Variants in ATRNL1 observed in about 807,000 individuals in gnomAD.
The protein encoded by ATRNL1 is attractin like 1, also known as attractin-like protein 1.
ATRNL1 carries 95 observed loss-of-function variants against 182.7 expected under a neutral mutation model. That is an observed-to-expected ratio of 0.52 (90% CI 0.44 to 0.62). The LOEUF (loss-of-function observed/expected upper bound fraction) is 0.62. Ranked by LOEUF, ATRNL1 falls within the 20% of genes least tolerant of loss-of-function variation. The pLI is 0.00. For synonymous variants in ATRNL1, 576 were observed against 568.3 expected, an observed-to-expected ratio of 1.01 and a Z score of -0.19; for missense variants, 1,471 against 1,679.5, an observed-to-expected ratio of 0.88 and a Z score of 2.17.
At chr10:115,533,099 C>G (rs1482864311) in intron 25 of ATRNL1, among the ~76,000 whole-genome samples, 1 of 152,204 alleles carries the variant, frequency 6.6e-6, no homozygotes, top group East Asian at 1.9e-4. Flanking sequence ...GCTTTGGTAT[C>G]AGGATGATGC....
chr10:115,332,434 C>T (rs1855271483), intron 18 of ATRNL1, among the ~76,000 whole-genome samples: 1 of 152,160 alleles, frequency 6.6e-6, no homozygotes. Flanking sequence ...TTGCTGTTTG[C>T]TCTGCTTCCT....
chr10:115,677,734 A>T (rs1214280256), intron 26 of ATRNL1, among the ~76,000 whole-genome samples: 2 of 152,040 alleles, frequency 1.3e-5, no homozygotes, highest in Admixed American at 1.3e-4. Flanking sequence ...GCAACGTGAA[A>T]ACAGACTAAT....
chr10:115,367,611 C>A (rs1356996567), intron 19 of ATRNL1, among the ~76,000 whole-genome samples: 6 of 151,410 alleles, frequency 4.0e-5, no homozygotes, highest in Non-Finnish European at 8.8e-5. Context: ...TTTAGAGTTT[C>A]CAGTTTTTCT....
At chr10:115,810,547 G>A (rs1353238176) in intron 27 of ATRNL1, among the ~76,000 whole-genome samples, 1 of 151,748 alleles carries the variant, frequency 6.6e-6, no homozygotes, top group African/African-American at 2.4e-5. Flanking sequence ...TAATAAAGTG[G>A]CAATTATAGT....
At chr10:115,675,759 C>A (rs1421285152) in intron 26 of ATRNL1, among the ~76,000 whole-genome samples, 1 of 152,114 alleles carries the variant, frequency 6.6e-6, no homozygotes, top group Non-Finnish European at 1.5e-5. Context: ...ATGAGTGCTA[C>A]TGTGTGCCAG....
At chr10:115,340,545 A>T (rs1855706071) in intron 19 of ATRNL1, among the ~76,000 whole-genome samples, 1 of 145,456 alleles carries the variant, frequency 6.9e-6, no homozygotes, top group African/African-American at 2.6e-5. Context: ...GCCTTGTAGA[A>T]TGAGTTTGGA....
At chr10:115,646,960 C>A in intron 26 of ATRNL1, among the ~76,000 whole-genome samples, 1 of 128,444 alleles carries the variant, frequency 7.8e-6, no homozygotes, top group Non-Finnish European at 1.6e-5. Flanking sequence ...CCTCCCCCCA[C>A]CCCACAACAG....
intron 24 of ATRNL1, among the ~76,000 whole-genome samples, chr10:115,508,280 T>C (rs1365521726): frequency 2.6e-5 from 4 of 152,104 alleles, no homozygotes; most frequent in African/African-American, 9.6e-5. Context: ...TGACTGGAAG[T>C]TCTGTCTCCA....
intron 19 of ATRNL1, among the ~76,000 whole-genome samples, chr10:115,351,258 T>A (rs568644348): frequency 4.1e-4 from 63 of 152,308 alleles, no homozygotes; most frequent in Non-Finnish European, 8.2e-4. Flanking sequence ...GCCTAATTAC[T>A]CTGGGTGGGA....
intron 26 of ATRNL1, among the ~76,000 whole-genome samples, chr10:115,681,941 T>C (rs1555044860): frequency 6.6e-6 from 1 of 152,138 alleles, no homozygotes; most frequent in Non-Finnish European, 1.5e-5. Flanking sequence ...AAATTGATCC[T>C]GAGATACAAT....
intron 24 of ATRNL1, among the ~76,000 whole-genome samples, chr10:115,474,717 A>T (rs927919779): frequency 5.3e-5 from 8 of 151,604 alleles, no homozygotes; most frequent in South Asian, 2.1e-4. Context: ...ATAAACACAA[A>T]GTAATTATGG....
intron 28 of ATRNL1, among the ~76,000 whole-genome samples, chr10:115,890,806 G>A (rs1307567313): frequency 6.6e-6 from 1 of 152,178 alleles, no homozygotes; most frequent in Non-Finnish European, 1.5e-5. Context: ...TCGGTTTACA[G>A]GTTTGCTCGA....
chr10:115,315,828 G>T (rs113747557), intron 18 of ATRNL1, 92 bp downstream of exon 18: 1 of 1,046,290 alleles, frequency 9.6e-7, no homozygotes, highest in Non-Finnish European at 1.4e-6. Flanking sequence ...TTTAGCTTTA[G>T]GAAAAAAGCA....
chr10:115,347,394 A>G (rs1240988694), intron 19 of ATRNL1, among the ~76,000 whole-genome samples: 2 of 152,136 alleles, frequency 1.3e-5, no homozygotes, highest in African/African-American at 4.8e-5. Flanking sequence ...TAGCTACCTA[A>G]TAATAAACAA....
intron 28 of ATRNL1, among the ~76,000 whole-genome samples, chr10:115,903,412 C>G (rs543539733): frequency 6.6e-6 from 1 of 152,258 alleles, no homozygotes; most frequent in East Asian, 1.9e-4. Flanking sequence ...GTCTCTCCCT[C>G]CCCCTGTCTG....
chr10:115,288,285 G>A (rs1852724863), intron 15 of ATRNL1, among the ~76,000 whole-genome samples: 2 of 152,074 alleles, frequency 1.3e-5, no homozygotes, highest in Admixed American at 1.3e-4. Flanking sequence ...TCTATTTGTA[G>A]TTTTCTGAGG....
intron 1 of ATRNL1, 64 bp from the exon 2 acceptor site, chr10:115,120,121 T>A (rs1554871125): frequency 1.1e-6 from 1 of 947,178 alleles, no homozygotes; most frequent in African/African-American, 1.7e-5. Context: ...AATTTTCTTA[T>A]CCTGCTATAT....
intron 5 of ATRNL1, among the ~76,000 whole-genome samples, chr10:115,151,712 G>A (rs1247670840): frequency 6.6e-6 from 1 of 151,586 alleles, no homozygotes; most frequent in Non-Finnish European, 1.5e-5. Flanking sequence ...TGCAGAAGCT[G>A]TTTAGTTAGA....
intron 26 of ATRNL1, among the ~76,000 whole-genome samples, chr10:115,570,710 T>C (rs1290093541): frequency 6.6e-6 from 1 of 152,192 alleles, no homozygotes; most frequent in Non-Finnish European, 1.5e-5. Context: ...GGTAGTTTTA[T>C]GTTTAGCCCT....
Sources: gnomAD v4.1 joint callset for allele counts (sites outside exome capture counted in the v4.1 genomes callset) on GRCh38, gnomAD v4.1.1 for gene constraint, MANE v1.5 for transcripts, NCBI Gene and HGNC (gene_info 2026-07-23, HGNC 2026-07-21) for gene names.